The following SAMD13 variants were observed in gnomAD, a reference collection of about 807,000 sequenced individuals.
SAMD13 encodes sterile alpha motif domain-containing protein 13.
In SAMD13, 9 loss-of-function variants were observed where a neutral mutation model predicts 12.4. That is an observed-to-expected ratio of 0.72 (90% CI 0.44 to 1.26). The LOEUF (loss-of-function observed/expected upper bound fraction) is 1.26. Ranked by LOEUF, SAMD13 falls within the 50% of genes most tolerant of loss-of-function variation. The pLI is 0.00. For missense variants in SAMD13, 84 were observed against 119.6 expected, an observed-to-expected ratio of 0.70 and a Z score of 1.39; for synonymous variants, 46 against 45.4, an observed-to-expected ratio of 1.01 and a Z score of -0.05.
intron 2 of SAMD13, among the ~76,000 whole-genome samples, chr1:84,318,531 C>G (rs1678880615): frequency 6.6e-6 from 1 of 151,950 alleles, no homozygotes; most frequent in African/African-American, 2.4e-5. Context: ...TGTGATCTAT[C>G]CTGGATAATG....
At chr1:84,340,179 G>A (rs777261319) in intron 3 of SAMD13, among the ~76,000 whole-genome samples, 8 of 152,196 alleles carry the variant, frequency 5.3e-5, no homozygotes, top group African/African-American at 9.7e-5. Flanking sequence ...GAAATATCCC[G>A]AGTGTCCATG....
chr1:84,341,813 T>C (rs1214453598), intron 3 of SAMD13, among the ~76,000 whole-genome samples: 1 of 152,052 alleles, frequency 6.6e-6, no homozygotes, highest in African/African-American at 2.4e-5. Flanking sequence ...GTTGATGACA[T>C]GATAAGAAGA....
intron 3 of SAMD13, among the ~76,000 whole-genome samples, chr1:84,347,481 AG>A (rs903755858): frequency 1.3e-5 from 2 of 152,228 alleles, no homozygotes; most frequent in Admixed American, 6.5e-5. Flanking sequence ...GAGTTGTCAA[AG>A]GACTTTTTGC....
chr1:84,320,142 C>T (rs1409675288), intron 2 of SAMD13, among the ~76,000 whole-genome samples: 1 of 152,122 alleles, frequency 6.6e-6, no homozygotes, highest in African/African-American at 2.4e-5. Context: ...TCATAGTAGA[C>T]AGGTTAAAAT....
At chr1:84,306,718 C>G (rs1029825892) in intron 2 of SAMD13, among the ~76,000 whole-genome samples, 20 of 149,404 alleles carry the variant, frequency 1.3e-4, no homozygotes, top group African/African-American at 4.9e-4. Context: ...GTAATCCCAG[C>G]TACTCAGGAG....
At chr1:84,304,127 G>C (rs563752194) in intron 2 of SAMD13, 5 of 152,278 alleles carry the variant, frequency 3.3e-5, no homozygotes, top group African/African-American at 1.2e-4. Flanking sequence ...TGAGGAAACA[G>C]TGTGCTATAT....
chr1:84,308,213 C>G (rs971537640), intron 2 of SAMD13, among the ~76,000 whole-genome samples: 2 of 152,148 alleles, frequency 1.3e-5, no homozygotes, highest in Non-Finnish European at 2.9e-5. Context: ...GCCCCCATTA[C>G]TCCATCTTGA....
chr1:84,300,329 A>G (rs1001720888), upstream of SAMD13, among the ~76,000 whole-genome samples: 3 of 152,240 alleles, frequency 2.0e-5, no homozygotes, highest in East Asian at 3.8e-4. Flanking sequence ...AATATTTGAA[A>G]TCTTTCTTGG....
At chr1:84,341,665 T>C (rs1247537476) in intron 3 of SAMD13, among the ~76,000 whole-genome samples, 1 of 151,992 alleles carries the variant, frequency 6.6e-6, no homozygotes, top group East Asian at 1.9e-4. Flanking sequence ...AGACTTGGTA[T>C]GAAAGAGGAG....
At chr1:84,308,081 A>C (rs1678622270) in intron 2 of SAMD13, among the ~76,000 whole-genome samples, 1 of 152,196 alleles carries the variant, frequency 6.6e-6, no homozygotes, top group Non-Finnish European at 1.5e-5. Flanking sequence ...TCAGGCAGTG[A>C]GTGGAATGGC....
At chr1:84,308,708 T>G (rs1678640905) in intron 2 of SAMD13, among the ~76,000 whole-genome samples, 1 of 152,196 alleles carries the variant, frequency 6.6e-6, no homozygotes, top group Admixed American at 6.5e-5. Flanking sequence ...GGTAAAATAT[T>G]AACATTTTGG....
intron 2 of SAMD13, among the ~76,000 whole-genome samples, chr1:84,310,513 G>A (rs1410644047): frequency 6.6e-6 from 1 of 152,034 alleles, no homozygotes; most frequent in African/African-American, 2.4e-5. Context: ...ATTTTCATTG[G>A]GCATATTTAA....
At chr1:84,347,208 C>G (rs1287592876) in intron 3 of SAMD13, among the ~76,000 whole-genome samples, 2 of 152,142 alleles carry the variant, frequency 1.3e-5, no homozygotes, top group African/African-American at 2.4e-5. Context: ...CACTGTCATT[C>G]CTTTGAGCTG....
chr1:84,304,939 T>G (rs1678534885), intron 2 of SAMD13, among the ~76,000 whole-genome samples: 1 of 152,184 alleles, frequency 6.6e-6, no homozygotes, highest in African/African-American at 2.4e-5. Flanking sequence ...ACATTTGAAT[T>G]GTTTCTGTTT....
At chr1:84,329,110 A>T (rs1679123104) in intron 3 of SAMD13, among the ~76,000 whole-genome samples, 1 of 152,092 alleles carries the variant, frequency 6.6e-6, no homozygotes, top group African/African-American at 2.4e-5. Flanking sequence ...GGTCATGAGG[A>T]TGGAACCCCC....
intron 1 of SAMD13, chr1:84,302,536 A>T (rs1039006608): frequency 1.5e-5 from 4 of 268,188 alleles, no homozygotes; most frequent in Non-Finnish European, 2.1e-5. Context: ...ACTCTTTCTT[A>T]CACATACACA....
At chr1:84,318,644 A>C (rs1334630684) in intron 2 of SAMD13, among the ~76,000 whole-genome samples, 2 of 152,154 alleles carry the variant, frequency 1.3e-5, no homozygotes, top group African/African-American at 4.8e-5. Flanking sequence ...GTTCAAGTTC[A>C]CTGTTTCTTT....
intron 3 of SAMD13, among the ~76,000 whole-genome samples, chr1:84,340,009 A>T (rs1331907690): frequency 6.6e-6 from 1 of 152,238 alleles, no homozygotes; most frequent in Non-Finnish European, 1.5e-5. Context: ...AAAATGGTGC[A>T]TCTGTTGTGG....
chr1:84,332,707 TG>T (rs1679218105), intron 3 of SAMD13, among the ~76,000 whole-genome samples: 1 of 152,232 alleles, frequency 6.6e-6, no homozygotes, highest in African/African-American at 2.4e-5. Flanking sequence ...ATAGTTATTT[TG>T]CTATGCAGAA....
Sources: gnomAD v4.1 joint callset for allele counts (sites outside exome capture counted in the v4.1 genomes callset) on GRCh38, gnomAD v4.1.1 for gene constraint, MANE v1.5 for transcripts, NCBI Gene and HGNC (gene_info 2026-07-23, HGNC 2026-07-21) for gene names.